NIPBL: variants seen among roughly 807,000 people sequenced by gnomAD.
NIPBL encodes NIPBL cohesin loading factor.
A neutral mutation model predicts 321.8 loss-of-function variants in NIPBL; 19 were observed. The ratio of observed to expected loss-of-function variants is 0.06; its 90% CI spans 0.04 to 0.09. The LOEUF (loss-of-function observed/expected upper bound fraction) is 0.09, where lower values mean the gene tolerates loss of function less well. NIPBL is among the 10% of genes least tolerant of loss of function. NIPBL has a pLI of 1.00. For synonymous variants in NIPBL, 1,106 were observed against 1,114.1 expected, an observed-to-expected ratio of 0.99 and a Z score of 0.14; for missense variants, 2,210 against 3,327.0, an observed-to-expected ratio of 0.66 and a Z score of 8.26.
At chr5:36,988,268 C>T (rs1266535905) in intron 10 of NIPBL, among the ~76,000 whole-genome samples, 1 of 151,958 alleles carries the variant, frequency 6.6e-6, no homozygotes, top group Non-Finnish European at 1.5e-5. Flanking sequence ...GATGTATATA[C>T]CTGATATGGT....
intron 1 of NIPBL, among the ~76,000 whole-genome samples, chr5:36,947,502 C>G (rs1378863520): frequency 6.6e-6 from 1 of 152,010 alleles, no homozygotes; most frequent in Non-Finnish European, 1.5e-5. Flanking sequence ...AACTCCCTTG[C>G]AGGCTCCAAT....
intron 1 of NIPBL, among the ~76,000 whole-genome samples, chr5:36,890,298 G>A (rs554950556): frequency 6.6e-6 from 1 of 152,242 alleles, no homozygotes; most frequent in Admixed American, 6.5e-5. Flanking sequence ...TCTCTTAAGT[G>A]GAAGTAATCC....
rs532689071 is a variant in NIPBL at position 37,000,806 on chromosome 5, G to C, written c.3503-11G>C. The C allele has an allele frequency of 5.6e-6, 9 of 1,602,360 alleles. No individual in the cohort carries two copies. The highest frequency in any genetic ancestry group is 1.1e-5 in the South Asian group (1 of 90,664). On this transcript the variant is annotated splice_polypyrimidine_tract_variant and intron_variant, in intron 12 of 46. Coordinates refer to ENST00000282516, the MANE Select transcript of NIPBL (RefSeq NM_133433.4). Reference sequence around the variant, plus strand: ...GTCCTGCATTTCAGTACTTCTTTTTGTTCGTTTTAGTTGCTAGGAAAATGA... The same window carrying C: ...GTCCTGCATTTCAGTACTTCTTTTTCTTCGTTTTAGTTGCTAGGAAAATGA...
intron 32 of NIPBL, among the ~76,000 whole-genome samples, chr5:37,029,576 A>T (rs1228285613): frequency 1.3e-5 from 2 of 152,158 alleles, no homozygotes; most frequent in Non-Finnish European, 2.9e-5. Flanking sequence ...TATCTTGGGT[A>T]AACTCCCAGG....
In NIPBL at chr5:36,955,711, T is replaced by C. The variant is rs559125979; in HGVS notation, c.230+74T>C. On this transcript the variant is annotated intron_variant, in intron 3 of 46. Transcript: ENST00000282516. ...TACTAAGAGAATCCGTATTCCTGGTTTTATTTCAGAAATTTTTAGATACAT... is the reference window on the plus strand; with the variant it reads ...TACTAAGAGAATCCGTATTCCTGGTCTTATTTCAGAAATTTTTAGATACAT... 2,146 of 1,213,022 alleles carry C rather than the reference T, an allele frequency of 1.8e-3. 5 individuals carry two copies. Among genetic ancestry groups the C allele is most frequent in the Non-Finnish European group, 2.4e-3 (1,963 of 824,962 alleles). The allele number at this position is 1,213,022 out of a possible 1,614,324, so 75.1% of individuals were successfully genotyped here.
intron 46 of NIPBL, 23 bp downstream of exon 46, chr5:37,064,001 G>A (rs1298777728): frequency 5.6e-6 from 9 of 1,612,382 alleles, no homozygotes; most frequent in Non-Finnish European, 7.6e-6. Flanking sequence ...AGGAGTCAAC[G>A]TATTTCGCAG....
intron 21 of NIPBL, among the ~76,000 whole-genome samples, chr5:37,012,951 A>G (rs1387871856): frequency 6.6e-6 from 1 of 152,140 alleles, no homozygotes; most frequent in Non-Finnish European, 1.5e-5. Context: ...CGCCATTGTC[A>G]TCATGGCCCG....
intron 1 of NIPBL, among the ~76,000 whole-genome samples, chr5:36,895,280 A>G (rs1357033924): frequency 6.6e-6 from 1 of 152,174 alleles, no homozygotes; most frequent in Non-Finnish European, 1.5e-5. Context: ...GCTCATCTAT[A>G]TTGCAGCATG....
At chr5:37,049,412 G>T in intron 40 of NIPBL, 111 bp downstream of exon 40, 4 of 1,183,204 alleles carry the variant, frequency 3.4e-6, no homozygotes, top group Non-Finnish European at 5.0e-6. Flanking sequence ...ACTCTTCTTT[G>T]TACTAAACTC....
intron 11 of NIPBL, 141 bp from the exon 12 acceptor site, chr5:37,000,232 C>T (rs2149668727): frequency 1.3e-6 from 1 of 762,186 alleles, no homozygotes; most frequent in Non-Finnish European, 2.1e-6. Context: ...ATAACTTAAA[C>T]TTCTGGATAG....
chr5:36,926,199 G>T (rs77291663), intron 1 of NIPBL, among the ~76,000 whole-genome samples: 3,030 of 152,266 alleles, frequency 0.02, 83 homozygotes, highest in African/African-American at 0.062. Context: ...ACAAAAAAAT[G>T]TTACTGACTG....
intron 1 of NIPBL, among the ~76,000 whole-genome samples, chr5:36,892,464 T>G (rs1441966930): frequency 1.3e-5 from 2 of 152,224 alleles, no homozygotes; most frequent in African/African-American, 4.8e-5. Context: ...TTATAAATCA[T>G]GCTGCTATAA....
rs189855534 is a variant in NIPBL, at chr5:36,977,888, T to A, written c.1495+1486T>A. Among the ~76,000 whole-genome samples the A allele has an allele frequency of 2.6e-5, 4 of 151,974 alleles. No individual in the cohort carries two copies. The East Asian group carries it at 7.7e-4, about 29-fold the overall frequency. On this transcript the variant is annotated intron_variant, in intron 9 of 46. Coordinates refer to ENST00000282516, the MANE Select transcript of NIPBL (RefSeq NM_133433.4). The stretch of plus-strand genomic sequence containing the variant: ...TTTTCTGTTTCTGCATTATTTCACT[T>A]AGGGTAGATAATGGCCTCAAACTGC...
intron 32 of NIPBL, among the ~76,000 whole-genome samples, chr5:37,031,928 G>A (rs1751069269): frequency 6.6e-6 from 1 of 152,200 alleles, no homozygotes; most frequent in Admixed American, 6.5e-5. Flanking sequence ...AATCAGAAGA[G>A]TGGCTGCAGG....
At chr5:36,928,997 C>T (rs1223020096) in intron 1 of NIPBL, among the ~76,000 whole-genome samples, 1 of 151,934 alleles carries the variant, frequency 6.6e-6, no homozygotes. Context: ...TGTAGACATA[C>T]GTTTTTATTT....
At chr5:37,029,243 T>C (rs1750675198) in intron 32 of NIPBL, among the ~76,000 whole-genome samples, 2 of 152,224 alleles carry the variant, frequency 1.3e-5, no homozygotes, top group African/African-American at 4.8e-5. Context: ...CAGTTGATCC[T>C]CTCTTCCTGG....
chr5:36,953,823 A>T, intron 2 of NIPBL, 63 bp downstream of exon 2: 1 of 1,350,806 alleles, frequency 7.4e-7, no homozygotes, highest in Non-Finnish European at 1.1e-6. Flanking sequence ...TTTTACAGTG[A>T]CTGTTCTAAA....
chr5:37,061,956 C>G (rs1349158408), intron 45 of NIPBL, among the ~76,000 whole-genome samples: 2 of 152,206 alleles, frequency 1.3e-5, no homozygotes, highest in Admixed American at 6.5e-5. Context: ...AGTCTCCTGC[C>G]TCAGCCTCCC....
In NIPBL at chr5:37,060,884, T is replaced by C. The variant is rs1287755970; in HGVS notation, c.7726T>C (p.Tyr2576His). Residue 2576 changes from tyrosine to histidine, a missense_variant, in exon 45 of 47, where the codon TAT (tyrosine) becomes CAT (histidine). By Grantham distance (83) the Tyr-to-His change is moderately conservative. Around this residue, in one of 14 missense-constraint regions of NIPBL, gnomAD observed 159 missense variants for 319.2 expected, o/e 0.50. Coordinates refer to ENST00000282516, the MANE Select transcript of NIPBL (RefSeq NM_133433.4). ...CTCTCCATCTGAATCTGCAAAAGTA[T>C]ATGATAAAGCGATAAACCGAAAAAC... is the stretch of plus-strand genomic sequence containing the variant. ...KYSPSESAKV[Y>H]DKAINRKTGV... 6.2e-7 allele frequency: 1 copy of C among 1,614,076 alleles called. No individual in the cohort carries two copies. The highest frequency in any genetic ancestry group is 1.7e-5 in the Admixed American group (1 of 60,016).
Sources: gnomAD v4.1 joint callset for allele counts (sites outside exome capture counted in the v4.1 genomes callset) on GRCh38, gnomAD v4.1.1 for gene constraint, gnomAD v4.1.1 regional missense constraint, MANE v1.5 for transcripts, NCBI Gene and HGNC (gene_info 2026-07-23, HGNC 2026-07-21) for gene names.